Variants in SCARB1 observed in about 807,000 individuals in gnomAD.
SCARB1 encodes the protein CD36 and LIMPII analogous 1.
Under a neutral mutation model 57.2 loss-of-function variants are expected in SCARB1, and 30 were observed. The observed-to-expected ratio is 0.52, with a 90% CI of 0.39 to 0.71. The LOEUF (loss-of-function observed/expected upper bound fraction) is 0.71, where lower values mean the gene tolerates loss of function less well. SCARB1 is among the 30% of genes least tolerant of loss of function. The probability of loss-of-function intolerance (pLI) is 0.00; values close to 1 mark genes in which losing one functional copy is unlikely to be tolerated. For synonymous variants in SCARB1, 249 were observed against 268.3 expected (o/e 0.93, Z 0.70); for missense variants, 543 against 671.2 (o/e 0.81, Z 2.11).
intron 10 of SCARB1, among the ~76,000 whole-genome samples, chr12:124,786,909 C>G (rs1054840660): frequency 6.6e-6 from 1 of 152,234 alleles, no homozygotes; most frequent in Non-Finnish European, 1.5e-5. Flanking sequence ...AGGAAGTAAA[C>G]TTGACATTCG....
At chr12:124,840,740 A>G (rs539015418) in intron 1 of SCARB1, among the ~76,000 whole-genome samples, 3 of 152,082 alleles carry the variant, frequency 2.0e-5, no homozygotes, top group Admixed American at 6.6e-5. Flanking sequence ...TCCCTGAAAA[A>G]AAACTCGAAT....
chr12:124,808,976 G>C (rs1177307045), intron 6 of SCARB1, among the ~76,000 whole-genome samples: 2 of 152,074 alleles, frequency 1.3e-5, no homozygotes, highest in Non-Finnish European at 2.9e-5. Flanking sequence ...ATTTTAAATT[G>C]CATGTGTGCC....
intron 1 of SCARB1, 23 bp downstream of exon 1, chr12:124,863,572 C>A: frequency 6.3e-7 from 1 of 1,597,814 alleles, no homozygotes; most frequent in East Asian, 2.3e-5. Flanking sequence ...GTGCGCGGAC[C>A]CCCTGGGGTC....
intron 1 of SCARB1, among the ~76,000 whole-genome samples, chr12:124,845,905 G>A (rs555341545): frequency 1.3e-4 from 19 of 151,850 alleles, no homozygotes; most frequent in East Asian, 3.9e-4. Flanking sequence ...CCAGCTACTC[G>A]GGAGGCTGAG....
intron 9 of SCARB1, among the ~76,000 whole-genome samples, chr12:124,790,521 C>T (rs1949687068): frequency 6.6e-6 from 1 of 152,174 alleles, no homozygotes; most frequent in Non-Finnish European, 1.5e-5. Flanking sequence ...CCTGCAGATA[C>T]CTTGATCTTA....
chr12:124,858,661 C>T (rs1229219231), intron 1 of SCARB1, among the ~76,000 whole-genome samples: 7 of 151,912 alleles, frequency 4.6e-5, no homozygotes, highest in South Asian at 2.1e-4. Flanking sequence ...GGGCGGATCA[C>T]GAGGTCAGGA....
intron 1 of SCARB1, among the ~76,000 whole-genome samples, chr12:124,838,386 G>C (rs1256513154): frequency 6.6e-6 from 1 of 152,176 alleles, no homozygotes; most frequent in Non-Finnish European, 1.5e-5. Flanking sequence ...GATGACCCAG[G>C]ACATGTGTCT....
intron 1 of SCARB1, among the ~76,000 whole-genome samples, chr12:124,828,077 C>T (rs762978632): frequency 2.0e-5 from 3 of 151,894 alleles, no homozygotes; most frequent in African/African-American, 7.3e-5. Flanking sequence ...CGGGTGGTAA[C>T]GCTAGTCCTC....
chr12:124,831,726 T>C (rs1435808751), intron 1 of SCARB1, among the ~76,000 whole-genome samples: 1 of 152,184 alleles, frequency 6.6e-6, no homozygotes, highest in Non-Finnish European at 1.5e-5. Context: ...TGTGCCTGTT[T>C]CTTTACCTGT....
At chr12:124,858,509 C>T (rs1407220726) in intron 1 of SCARB1, among the ~76,000 whole-genome samples, 4 of 152,120 alleles carry the variant, frequency 2.6e-5, no homozygotes, top group African/African-American at 4.8e-5. Context: ...TGTGCCTCAT[C>T]GGTCTGTGTG....
chr12:124,832,193 T>C (rs1951423805), intron 1 of SCARB1, among the ~76,000 whole-genome samples: 1 of 152,224 alleles, frequency 6.6e-6, no homozygotes, highest in Non-Finnish European at 1.5e-5. Flanking sequence ...ATGTGGGAAC[T>C]CAGCACTATC....
chr12:124,842,940 G>A (rs1437313589), intron 1 of SCARB1, among the ~76,000 whole-genome samples: 3 of 152,242 alleles, frequency 2.0e-5, no homozygotes, highest in Non-Finnish European at 2.9e-5. Context: ...CTTGTGGGAC[G>A]TGTGCCACGG....
chr12:124,838,223 G>A (rs1951769830), intron 1 of SCARB1, among the ~76,000 whole-genome samples: 1 of 152,240 alleles, frequency 6.6e-6, no homozygotes, highest in Non-Finnish European at 1.5e-5. Context: ...CAGCTTCACG[G>A]GTGAGGCCGG....
chr12:124,831,062 GC>G (rs1951369152), intron 1 of SCARB1, among the ~76,000 whole-genome samples: 1 of 150,914 alleles, frequency 6.6e-6, no homozygotes, highest in Non-Finnish European at 1.5e-5. Context: ...TGCAACCTCT[GC>G]CTCCCGGGTT....
intron 10 of SCARB1, among the ~76,000 whole-genome samples, chr12:124,787,184 TTC>T (rs1228197292): frequency 2.0e-5 from 3 of 152,204 alleles, no homozygotes; most frequent in Admixed American, 6.5e-5. Flanking sequence ...TTCATGCAGC[TTC>T]TGTCTTCCCC....
intron 12 of SCARB1, among the ~76,000 whole-genome samples, chr12:124,779,531 T>C (rs78008088): frequency 3.5e-4 from 53 of 152,256 alleles, no homozygotes; most frequent in African/African-American, 1.2e-3. Flanking sequence ...GGGCATGAGA[T>C]GCTGGCCATC....
chr12:124,794,592 G>C (rs1177269740), intron 9 of SCARB1, among the ~76,000 whole-genome samples: 1 of 151,518 alleles, frequency 6.6e-6, no homozygotes, highest in Non-Finnish European at 1.5e-5. Flanking sequence ...AAACAGCTTG[G>C]ATTGAAGCTC....
At chr12:124,837,625 G>T (rs1039669225) in intron 1 of SCARB1, among the ~76,000 whole-genome samples, 2 of 151,600 alleles carry the variant, frequency 1.3e-5, no homozygotes, top group Admixed American at 1.3e-4. Flanking sequence ...AGTGCTGCAC[G>T]CCTGTAATCC....
intron 1 of SCARB1, among the ~76,000 whole-genome samples, chr12:124,835,795 CCT>C (rs1951624850): frequency 6.6e-6 from 1 of 152,192 alleles, no homozygotes; most frequent in Non-Finnish European, 1.5e-5. Context: ...TAAATTCCTG[CCT>C]TCTGGCTTCT....
Sources: gnomAD v4.1 joint callset for allele counts (sites outside exome capture counted in the v4.1 genomes callset) on GRCh38, gnomAD v4.1.1 for gene constraint, MANE v1.5 for transcripts, NCBI Gene and HGNC (gene_info 2026-07-23, HGNC 2026-07-21) for gene names.